The following PAK6 variants were observed in gnomAD, a reference collection of about 807,000 sequenced individuals.
PAK6 encodes serine/threonine-protein kinase PAK 6.
PAK6 carries 33 observed loss-of-function variants against 60.8 expected under a neutral mutation model. The ratio of observed to expected loss-of-function variants is 0.54; its 90% CI spans 0.41 to 0.73. The LOEUF (loss-of-function observed/expected upper bound fraction) is 0.73. Among genes scored for constraint, PAK6 ranks in the 30% least tolerant of loss-of-function variants. The pLI is 0.00. For missense variants in PAK6, 845 were observed against 904.1 expected, an observed-to-expected ratio of 0.93 and a Z score of 0.84; for synonymous variants, 404 against 378.5, an observed-to-expected ratio of 1.07 and a Z score of -0.78.
chr15:40,247,904 G>C (rs1278958461), intron 2 of PAK6, among the ~76,000 whole-genome samples: 2 of 152,184 alleles, frequency 1.3e-5, no homozygotes, highest in African/African-American at 4.8e-5. Flanking sequence ...CCCAGGGTCG[G>C]GGAGGGGAGC....
At chr15:40,259,669 C>G (rs8036654) in intron 3 of PAK6, 1 of 151,520 alleles carries the variant, frequency 6.6e-6, no homozygotes, top group Non-Finnish European at 1.5e-5. Context: ...CACCTATAGT[C>G]TCAGCTACTT....
intron 5 of PAK6, among the ~76,000 whole-genome samples, chr15:40,268,409 T>G: frequency 6.6e-6 from 1 of 152,172 alleles, no homozygotes; most frequent in East Asian, 1.9e-4. Flanking sequence ...CTCCAGACAC[T>G]GCCAAATGTC....
At chr15:40,266,233 T>C (rs780741317) in exon 5 of PAK6, 1 of 1,610,306 alleles carries the variant, frequency 6.2e-7, no homozygotes, top group East Asian at 2.2e-5. Context: ...GGTGCCTGCC[T>C]GCAGAGCTCC....
At chr15:40,274,010 G>A in intron 9 of PAK6, 132 bp from the exon 10 acceptor site, 1 of 1,060,218 alleles carries the variant, frequency 9.4e-7, no homozygotes, top group Non-Finnish European at 1.4e-6. Context: ...CAGGTGACCA[G>A]GGGAGGAAGG....
intron 3 of PAK6, among the ~76,000 whole-genome samples, chr15:40,256,678 A>G (rs1256729156): frequency 6.6e-6 from 1 of 152,212 alleles, no homozygotes. Flanking sequence ...GTCCTGGGTC[A>G]GACTCGTGTC....
intron 2 of PAK6, among the ~76,000 whole-genome samples, chr15:40,248,648 G>A (rs1678962483): frequency 6.6e-6 from 1 of 152,228 alleles, no homozygotes; most frequent in South Asian, 2.1e-4. Flanking sequence ...GGGGGAACCT[G>A]AGGGCCCCTC....
chr15:40,277,148 C>CG (rs1464543492), exon 11 of PAK6: 1 of 152,256 alleles, frequency 6.6e-6, no homozygotes, highest in Non-Finnish European at 1.5e-5. Flanking sequence ...GAACCACCTC[C>CG]GGGTTTCCAT....
chr15:40,272,398 C>T (rs371593698), exon 6 of PAK6: 14 of 1,613,610 alleles, frequency 8.7e-6, no homozygotes, highest in South Asian at 1.1e-5. Context: ...GCTTCCAGGC[C>T]GGTCTTCCCC....
At chr15:40,276,087 C>T in exon 11 of PAK6, 1 of 1,613,560 alleles carries the variant, frequency 6.2e-7, no homozygotes, top group Non-Finnish European at 8.5e-7. Context: ...CAGACCTCCA[C>T]CTGCTGAGCC....
chr15:40,272,759 G>GGAT, intron 6 of PAK6, 38 bp downstream of exon 6: 1 of 1,578,674 alleles, frequency 6.3e-7, no homozygotes, highest in Non-Finnish European at 8.6e-7. Context: ...GGGGCGTTGG[G>GGAT]GATGGGCAGT....
At chr15:40,252,935 G>C in intron 2 of PAK6, 2 of 1,013,760 alleles carry the variant, frequency 2.0e-6, no homozygotes, top group South Asian at 3.5e-5. Flanking sequence ...AGCTGGGGCC[G>C]GGTGGCCGCG....
chr15:40,265,530 C>T (rs554867730), intron 4 of PAK6, among the ~76,000 whole-genome samples: 37 of 152,182 alleles, frequency 2.4e-4, no homozygotes, highest in Non-Finnish European at 4.1e-4. Context: ...AATGGAGCCC[C>T]GCCCCCTGAG....
At chr15:40,247,158 G>A (rs560612611) in intron 2 of PAK6, 1 of 152,360 alleles carries the variant, frequency 6.6e-6, no homozygotes, top group African/African-American at 2.4e-5. Context: ...TCAGACCTGG[G>A]GCAGTCACTG....
exon 8 of PAK6, chr15:40,273,434 A>G (rs1185161057): frequency 6.2e-7 from 1 of 1,613,810 alleles, no homozygotes; most frequent in African/African-American, 1.3e-5. Context: ...CCACCGGGAC[A>G]TCAAGAGTGA....
exon 11 of PAK6, chr15:40,276,523 G>A (rs192345226): frequency 4.3e-5 from 7 of 162,462 alleles, no homozygotes; most frequent in East Asian, 3.7e-4. Flanking sequence ...CTCGAGTCTC[G>A]AGAGGGCCAC....
At chr15:40,262,664 A>C (rs1040709724) in intron 3 of PAK6, among the ~76,000 whole-genome samples, 2 of 152,174 alleles carry the variant, frequency 1.3e-5, no homozygotes, top group Non-Finnish European at 2.9e-5. Flanking sequence ...TCTGAGCAGA[A>C]AGTGGTTTGG....
chr15:40,247,784 G>A (rs192170551), intron 2 of PAK6, among the ~76,000 whole-genome samples: 25 of 152,254 alleles, frequency 1.6e-4, no homozygotes, highest in Non-Finnish European at 2.4e-4. Flanking sequence ...TCCGGAACCC[G>A]GGGTGAACAG....
chr15:40,253,275 G>A (rs1313925367), exon 3 of PAK6: 1 of 455,634 alleles, frequency 2.2e-6, no homozygotes, highest in South Asian at 1.5e-5. Context: ...AGGAAGAGGC[G>A]GAAGGCGCCG....
chr15:40,276,747 A>G (rs1388395747), exon 11 of PAK6: 2 of 48,000 alleles, frequency 4.2e-5, no homozygotes, highest in South Asian at 9.3e-4. Context: ...TGGAGAGAAC[A>G]TCGTGTGTGT....
Sources: gnomAD v4.1 joint callset for allele counts (sites outside exome capture counted in the v4.1 genomes callset) on GRCh38, gnomAD v4.1.1 for gene constraint, MANE v1.5 for transcripts, NCBI Gene and HGNC (gene_info 2026-07-23, HGNC 2026-07-21) for gene names.